The following CBFA2T2 variants were observed in gnomAD, a reference collection of about 807,000 sequenced individuals.
CBFA2T2 encodes the protein protein CBFA2T2.
CBFA2T2 carries 11 observed loss-of-function variants against 62.2 expected under a neutral mutation model. That is an observed-to-expected ratio of 0.18 (90% CI 0.11 to 0.29). The LOEUF (loss-of-function observed/expected upper bound fraction) is 0.29, where lower values mean the gene tolerates loss of function less well. Ranked by LOEUF, CBFA2T2 falls within the 10% of genes least tolerant of loss-of-function variation. The probability of loss-of-function intolerance (pLI) is 1.00; values close to 1 mark genes in which losing one functional copy is unlikely to be tolerated. For synonymous variants in CBFA2T2, 295 were observed against 287.5 expected (o/e 1.03, Z -0.27); for missense variants, 592 against 774.1 (o/e 0.76, Z 2.79).
intron 3 of CBFA2T2, 33 bp downstream of exon 3, chr20:33,611,368 C>G (rs1397016974): frequency 1.2e-6 from 2 of 1,607,352 alleles, no homozygotes; most frequent in South Asian, 1.1e-5. Context: ...TCTCAGCTGC[C>G]TGAGTATGTG....
At chr20:33,621,811 C>T (rs2015999700) in intron 4 of CBFA2T2, among the ~76,000 whole-genome samples, 1 of 152,204 alleles carries the variant, frequency 6.6e-6, no homozygotes, top group Admixed American at 6.5e-5. Flanking sequence ...GTCTAAGGTG[C>T]ACAGCCTGTA....
chr20:33,595,726 G>C (rs1024913089), intron 1 of CBFA2T2, among the ~76,000 whole-genome samples: 2 of 151,926 alleles, frequency 1.3e-5, no homozygotes, highest in Middle Eastern at 3.4e-3. Flanking sequence ...GTTTTGTAGA[G>C]ATCAGGTTTT....
At chr20:33,538,043 T>C (rs548645065) in intron 1 of CBFA2T2, among the ~76,000 whole-genome samples, 2 of 151,842 alleles carry the variant, frequency 1.3e-5, no homozygotes, top group African/African-American at 4.8e-5. Context: ...TGGGACTACA[T>C]TGAATCTGTT....
intron 1 of CBFA2T2, among the ~76,000 whole-genome samples, chr20:33,534,751 CTTTTTTTTTT>C (rs11167206): frequency 3.2e-5 from 3 of 92,962 alleles, no homozygotes; most frequent in South Asian, 8.3e-4. Context: ...ATCTTTTTAG[CTTTTTTTTTT>C]TTTTTTTTTT....
chr20:33,643,900 C>T (rs1027052662), intron 10 of CBFA2T2, among the ~76,000 whole-genome samples: 8 of 145,356 alleles, frequency 5.5e-5, no homozygotes, highest in Non-Finnish European at 1.1e-4. Flanking sequence ...GGCATGGTGG[C>T]ACATGCAGAA....
intron 10 of CBFA2T2, among the ~76,000 whole-genome samples, chr20:33,641,740 G>A (rs113590123): frequency 6.6e-6 from 1 of 152,292 alleles, no homozygotes; most frequent in Non-Finnish European, 1.5e-5. Context: ...ACACCACCGT[G>A]CCTGGCTAAT....
Position 33,548,939 on chromosome 20 carries a change from G to T in CBFA2T2, c.35-58017G>T, listed in dbSNP as rs563858752. 8.5e-5 allele frequency among the ~76,000 whole-genome samples: 13 copies of T among 152,114 alleles called. No individual in the cohort carries two copies. The South Asian group carries it at 2.7e-3, about 32-fold the overall frequency. On this transcript the variant is annotated intron_variant, in intron 1 of 10. Coordinates refer to ENST00000342704, the MANE Select transcript of CBFA2T2 (RefSeq NM_001032999.3). ...TCCTTTGCACTTCAGCCCCATCCTG[G>T]ATGATAGAGCAAGACCCTGTCCATC...
In CBFA2T2 at chr20:33,644,981, G is replaced by C. The variant is rs529893586; in HGVS notation, c.*335G>C. The stretch of plus-strand genomic sequence containing the variant: ...CCCTCCCCATCTCCTTGAGTCAGCA[G>C]ACTGTCCAATGTGCTCAGCCAGGCT... On this transcript the variant is annotated 3_prime_UTR_variant, in exon 11 of 11. Transcript: ENST00000342704. 23 of 274,738 alleles carry C rather than the reference G, an allele frequency of 8.4e-5. No homozygotes were observed. In the South Asian group the frequency reaches 1.5e-3, roughly 18 times the overall value. The allele number at this position is 274,738 out of a possible 1,614,324, so 17.0% of individuals were successfully genotyped here. A position where few individuals can be genotyped will look rare whatever the true frequency, so the allele number is the denominator to read the frequency against.
At chr20:33,585,511 A>G (rs951363429) in intron 1 of CBFA2T2, among the ~76,000 whole-genome samples, 5 of 152,184 alleles carry the variant, frequency 3.3e-5, no homozygotes, top group Non-Finnish European at 7.3e-5. Context: ...TACAGTTCAC[A>G]TTGACATGCT....
chr20:33,504,127 A>G lies in CBFA2T2; in HGVS notation c.34+13826A>G, dbSNP rs188479202. On this transcript the variant is annotated intron_variant, in intron 1 of 10. Transcript: ENST00000342704. ...TAATGTCATATACATGGAATCATAC[A>G]GTATGTAACCTTTGTGTCTGATGTG... Among the ~76,000 whole-genome samples, 129 of 152,140 alleles carry G rather than the reference A, an allele frequency of 8.5e-4. 1 individual carries two copies. Among genetic ancestry groups the G allele is most frequent in the Non-Finnish European group, 1.2e-4 (8 of 68,012 alleles).
At chr20:33,550,612 T>G (rs1370930374) in intron 1 of CBFA2T2, among the ~76,000 whole-genome samples, 3 of 146,140 alleles carry the variant, frequency 2.1e-5, no homozygotes, top group East Asian at 4.0e-4. Context: ...AATGTGGTTA[T>G]TTATTTATTT....
intron 1 of CBFA2T2, among the ~76,000 whole-genome samples, chr20:33,538,000 TA>T (rs78359687): frequency 0.011 from 1,551 of 140,782 alleles, 19 homozygotes; most frequent in African/African-American, 0.026. Context: ...CTCAATTTCT[TA>T]AAAAAAAAAA....
chr20:33,643,808 TATATATATA>T, intron 10 of CBFA2T2, among the ~76,000 whole-genome samples: 2 of 67,916 alleles, frequency 2.9e-5, no homozygotes, highest in African/African-American at 1.3e-4. Flanking sequence ...TATATATATA[TATATATATA>T]GTATATAATG....
chr20:33,551,053 T>C (rs1236908032), intron 1 of CBFA2T2, among the ~76,000 whole-genome samples: 3 of 152,224 alleles, frequency 2.0e-5, no homozygotes, highest in South Asian at 4.2e-4. Context: ...TATGGATAGT[T>C]TTCCAGGTGA....
intron 1 of CBFA2T2, among the ~76,000 whole-genome samples, chr20:33,546,733 G>A (rs966636160): frequency 1.3e-5 from 2 of 151,898 alleles, no homozygotes; most frequent in Non-Finnish European, 2.9e-5. Flanking sequence ...GGGGTCAAGT[G>A]ATCCACCTGC....
intron 1 of CBFA2T2, among the ~76,000 whole-genome samples, chr20:33,540,109 A>G (rs1405069881): frequency 6.6e-6 from 1 of 152,218 alleles, no homozygotes; most frequent in African/African-American, 2.4e-5. Flanking sequence ...AATTTTGGCC[A>G]TCAAACAAGG....
At position 33,520,881 on chromosome 20, in the gene CBFA2T2, AAAT is replaced by A. The variant is rs762004112; in HGVS notation, c.34+30584_34+30586del. Among the ~76,000 whole-genome samples the A allele has an allele frequency of 3.3e-5, 5 of 151,484 alleles. No individual in the cohort carries two copies. The East Asian group carries it at 5.8e-4, about 18-fold the overall frequency. ...GAGTGTTTTCGTTTATTTGTTCAGGAAATAATCACTGTTTTTACACACGCACGC... is the reference window on the plus strand; with the variant it reads ...GAGTGTTTTCGTTTATTTGTTCAGGAAATCACTGTTTTTACACACGCACGC... On this transcript the variant is annotated intron_variant, in intron 1 of 10. Coordinates refer to ENST00000342704, the MANE Select transcript of CBFA2T2 (RefSeq NM_001032999.3).
intron 1 of CBFA2T2, among the ~76,000 whole-genome samples, chr20:33,505,006 A>G (rs568530611): frequency 3.3e-5 from 5 of 152,288 alleles, no homozygotes; most frequent in Admixed American, 3.3e-4. Context: ...AATAATGGTA[A>G]CTACCATTTG....
In CBFA2T2 at chr20:33,536,866, C is replaced by G. The variant is rs560409322; in HGVS notation, c.34+46565C>G. On this transcript the variant is annotated intron_variant, in intron 1 of 10. Coordinates refer to ENST00000342704, the MANE Select transcript of CBFA2T2 (RefSeq NM_001032999.3). ...AGATGGGATGGCGGCTGGGCAGAGA[C>G]GCTCCTCACTTCCTAGACGGGATGG... is the stretch of plus-strand genomic sequence containing the variant. 2.0e-5 allele frequency among the ~76,000 whole-genome samples: 3 copies of G among 148,430 alleles called. No individual in the cohort carries two copies. In the East Asian group the frequency reaches 6.1e-4, roughly 30 times the overall value.
Sources: gnomAD v4.1 joint callset for allele counts (sites outside exome capture counted in the v4.1 genomes callset) on GRCh38, gnomAD v4.1.1 for gene constraint, MANE v1.5 for transcripts, NCBI Gene and HGNC (gene_info 2026-07-23, HGNC 2026-07-21) for gene names.